RAP1GAP2: variants seen among roughly 807,000 people sequenced by gnomAD.
The protein encoded by RAP1GAP2 is rap1 GTPase-activating protein 2.
In RAP1GAP2, 27 loss-of-function variants were observed where a neutral mutation model predicts 95.0. The observed-to-expected ratio is 0.28, with a 90% CI of 0.21 to 0.39. The LOEUF (loss-of-function observed/expected upper bound fraction) is 0.39, where lower values mean the gene tolerates loss of function less well. RAP1GAP2 is among the 10% of genes least tolerant of loss of function. The probability of loss-of-function intolerance (pLI) is 1.00; values close to 1 mark genes in which losing one functional copy is unlikely to be tolerated. For missense variants in RAP1GAP2, 771 were observed against 970.0 expected (o/e 0.79, Z 2.72); for synonymous variants, 373 against 380.9 (o/e 0.98, Z 0.24).
At chr17:2,849,998 G>A (rs80314059) in intron 2 of RAP1GAP2, among the ~76,000 whole-genome samples, 1 of 136,130 alleles carries the variant, frequency 7.3e-6, no homozygotes, top group Non-Finnish European at 1.6e-5. Flanking sequence ...AACACTGCCT[G>A]CTTTTTTTTT....
intron 3 of RAP1GAP2, among the ~76,000 whole-genome samples, chr17:2,911,260 A>ATTTTTTTTTTTTTTTTTTTTTTT (rs34227127): frequency 1.5e-5 from 2 of 132,026 alleles, no homozygotes; most frequent in African/African-American, 6.0e-5. Flanking sequence ...TTTGAAGGGG[A>ATTTTTTTTTTTTTTTTTTTTTTT]TTTTTTTTTT....
intron 3 of RAP1GAP2, among the ~76,000 whole-genome samples, chr17:2,927,246 C>T (rs1430141138): frequency 3.3e-5 from 5 of 151,784 alleles, no homozygotes; most frequent in East Asian, 2.0e-4. Flanking sequence ...CTCCGCCTCC[C>T]GGGTTCAGGC....
intron 2 of RAP1GAP2, among the ~76,000 whole-genome samples, chr17:2,893,870 C>T (rs1298509153): frequency 6.6e-6 from 1 of 152,226 alleles, no homozygotes; most frequent in Non-Finnish European, 1.5e-5. Context: ...GGTGGAGCCT[C>T]TGCCACCCCC....
intron 12 of RAP1GAP2, among the ~76,000 whole-genome samples, chr17:2,994,398 A>T (rs772387055): frequency 6.6e-6 from 1 of 152,206 alleles, no homozygotes; most frequent in Non-Finnish European, 1.5e-5. Context: ...GGCAGAAGGG[A>T]CAACTCCTGG....
intron 2 of RAP1GAP2, among the ~76,000 whole-genome samples, chr17:2,841,470 A>AT (rs1278455747): frequency 2.0e-5 from 3 of 150,566 alleles, no homozygotes; most frequent in East Asian, 2.0e-4. Flanking sequence ...CACGCGGCTA[A>AT]TTTTTTTTTG....
upstream of RAP1GAP2, among the ~76,000 whole-genome samples, chr17:2,772,562 T>C (rs1397260072): frequency 6.6e-6 from 1 of 152,130 alleles, no homozygotes; most frequent in Non-Finnish European, 1.5e-5. Context: ...CCCAAGGTGC[T>C]GAGATGACAG....
chr17:2,917,405 G>A (rs2042607140), intron 3 of RAP1GAP2, among the ~76,000 whole-genome samples: 1 of 151,624 alleles, frequency 6.6e-6, no homozygotes, highest in Admixed American at 6.6e-5. Context: ...CGAGTAGCTG[G>A]GATTACAGGC....
At position 2,982,262 on chromosome 17, in the gene RAP1GAP2, C is replaced by G. The variant is rs186744694; in HGVS notation, c.729+1014C>G. ...GAAGCGATTCTCCTGCCTCAGCCTC[C>G]CAAGTAGCTGGGACTACAGGTGTGC... On this transcript the variant is annotated intron_variant, in intron 10 of 24. Coordinates refer to ENST00000254695, the MANE Select transcript of RAP1GAP2 (RefSeq NM_015085.5). 3.3e-3 allele frequency among the ~76,000 whole-genome samples: 509 copies of G among 152,332 alleles called. 1 individual carries two copies. Among genetic ancestry groups the G allele is most frequent in the African/African-American group, 0.011 (469 of 41,580 alleles).
At chr17:2,994,339 C>T (rs1205347765) in intron 12 of RAP1GAP2, among the ~76,000 whole-genome samples, 1 of 152,156 alleles carries the variant, frequency 6.6e-6, no homozygotes, top group African/African-American at 2.4e-5. Flanking sequence ...CTTAAAGGAA[C>T]CTGCATCTGC....
chr17:2,928,358 A>C (rs1314349384), intron 3 of RAP1GAP2, among the ~76,000 whole-genome samples: 2 of 152,132 alleles, frequency 1.3e-5, no homozygotes, highest in East Asian at 3.9e-4. Context: ...GTCCGGTTCT[A>C]ATCACGCCAC....
intron 2 of RAP1GAP2, among the ~76,000 whole-genome samples, chr17:2,802,674 G>C (rs1257881048): frequency 6.6e-6 from 1 of 152,156 alleles, no homozygotes; most frequent in East Asian, 1.9e-4. Context: ...TCGCACCACA[G>C]CCTGGGAGAC....
chr17:2,768,443 G>A (rs1310089648), intron 1 of RAP1GAP2, among the ~76,000 whole-genome samples: 1 of 152,188 alleles, frequency 6.6e-6, no homozygotes, highest in Non-Finnish European at 1.5e-5. Context: ...TGCAATCCCA[G>A]AACTTTGGGA....
chr17:2,805,652 C>T (rs2069483803), intron 2 of RAP1GAP2, among the ~76,000 whole-genome samples: 2 of 152,118 alleles, frequency 1.3e-5, no homozygotes, highest in South Asian at 4.1e-4. Flanking sequence ...GGATTACAGG[C>T]GTGAGCCACT....
Position 2,905,377 on chromosome 17 carries a change from C to T in RAP1GAP2, c.165+9C>T. ...CACCTCCCACCATGAAGGTAAGAGG[C>T]TTCGATTCAGGAAGGCAGGGAGGGG... On this transcript the variant is annotated intron_variant, in intron 3 of 24. Coordinates refer to ENST00000254695, the MANE Select transcript of RAP1GAP2 (RefSeq NM_015085.5). The T allele has an allele frequency of 1.2e-6, 2 of 1,612,490 alleles. No individual in the cohort carries two copies. Among genetic ancestry groups the T allele is most frequent in the Non-Finnish European group, 1.7e-6 (2 of 1,178,814 alleles).
chr17:2,876,338 A>G (rs1303043618), intron 2 of RAP1GAP2, among the ~76,000 whole-genome samples: 1 of 152,188 alleles, frequency 6.6e-6, no homozygotes, highest in Non-Finnish European at 1.5e-5. Context: ...GGAGATCCCG[A>G]GAACAAGTGC....
At position 2,963,783 on chromosome 17, in the gene RAP1GAP2, A is replaced by T. The variant is rs1183436376; in HGVS notation, c.280-73A>T. On this transcript the variant is annotated intron_variant, in intron 6 of 24. Transcript: ENST00000254695. This position sits in a 1 kb window ranked among gnomAD's most constrained non-coding sequence, Gnocchi z 4.8. ...GGCCCCACTCCTGGGAGCAGCGCAG[A>T]GGGGACACCGCCACCGGCCCCCTCC... is the stretch of plus-strand genomic sequence containing the variant. The T allele has an allele frequency of 5.3e-6, 7 of 1,322,444 alleles. No homozygotes were observed. Among genetic ancestry groups the T allele is most frequent in the Non-Finnish European group, 7.3e-6 (7 of 963,918 alleles). 81.9% of individuals were successfully genotyped at this position (1,322,444 alleles called of 1,614,324 possible). A position where few individuals can be genotyped will look rare whatever the true frequency, so the allele number is the denominator to read the frequency against.
chr17:2,892,080 TC>T (rs1335219267), intron 2 of RAP1GAP2, among the ~76,000 whole-genome samples: 2 of 152,128 alleles, frequency 1.3e-5, no homozygotes, highest in East Asian at 3.9e-4. Flanking sequence ...TGTCTCGACC[TC>T]CCAAAGTGCT....
intron 2 of RAP1GAP2, among the ~76,000 whole-genome samples, chr17:2,804,549 G>A (rs1476980385): frequency 1.3e-5 from 2 of 152,148 alleles, no homozygotes; most frequent in Admixed American, 1.3e-4. Flanking sequence ...ATGTTCTCAG[G>A]GGCTGTGTAT....
chr17:2,959,905 G>A (rs946121719), intron 4 of RAP1GAP2, among the ~76,000 whole-genome samples: 4 of 151,974 alleles, frequency 2.6e-5, no homozygotes, highest in African/African-American at 9.7e-5. Context: ...CAGGTGGATC[G>A]CCTGAGGTCA....
Sources: allele counts gnomAD v4.1 joint callset (sites outside exome capture counted in the v4.1 genomes callset), GRCh38; gene constraint gnomAD v4.1.1; non-coding constraint Gnocchi (gnomAD v3.1); transcripts MANE v1.5; gene names NCBI Gene and HGNC (gene_info 2026-07-23, HGNC 2026-07-21).